The following UNC5B variants were observed in gnomAD, a reference collection of about 807,000 sequenced individuals.
The protein encoded by UNC5B is unc-5 netrin receptor B.
A neutral mutation model predicts 103.7 loss-of-function variants in UNC5B; 56 were observed. The observed-to-expected ratio is 0.54, with a 90% confidence interval of 0.44 to 0.67. The LOEUF is 0.67. Among genes scored for constraint, UNC5B ranks in the 30% least tolerant of loss-of-function variants. The pLI is 0.00. For missense variants in UNC5B, 1,194 were observed against 1,284.5 expected (o/e 0.93, Z 1.08); for synonymous variants, 577 against 542.0 (o/e 1.06, Z -0.90).
intron 1 of UNC5B, among the ~76,000 whole-genome samples, chr10:71,267,261 A>G (rs940286461): frequency 3.9e-5 from 6 of 152,226 alleles, no homozygotes; most frequent in African/African-American, 1.4e-4. Context: ...GTGGCTGCCC[A>G]GGGGTTGTCT....
chr10:71,224,228 G>GACGCACACACAC (rs1843510762), intron 1 of UNC5B, among the ~76,000 whole-genome samples: 1 of 150,088 alleles, frequency 6.7e-6, no homozygotes, highest in African/African-American at 2.5e-5. Context: ...TCTGTATGTA[G>GACGCACACACAC]ACACAGACAC....
intron 1 of UNC5B, among the ~76,000 whole-genome samples, chr10:71,275,843 A>C (rs1383610152): frequency 6.6e-6 from 1 of 151,876 alleles, no homozygotes; most frequent in African/African-American, 2.4e-5. Flanking sequence ...ACCAACAAGT[A>C]GCTCCAGGTA....
Position 71,279,971 on chromosome 10 carries a change from T to A in UNC5B, c.230T>A (p.Ile77Asn). ...LRCRAFPATQ[I>N]YFKCNGEWVS... is the part of the protein sequence containing the mutation. The stretch of plus-strand genomic sequence containing the variant: ...TGCCGCGCCTTCCCCGCCACACAGA[T>A]CTACTTCAAGTGCAACGGCGAGTGG... The change falls in exon 2 of 17, where the codon ATC (isoleucine) becomes AAC (asparagine). Residue 77 changes from isoleucine to asparagine, a missense_variant. Coordinates refer to ENST00000335350, the MANE Select transcript of UNC5B (RefSeq NM_170744.5). 1 of 1,614,068 alleles carries A rather than the reference T, an allele frequency of 6.2e-7. No individual in the cohort carries two copies. Among genetic ancestry groups the A allele is most frequent in the Non-Finnish European group, 8.5e-7 (1 of 1,180,020 alleles).
In UNC5B at chr10:71,288,596, G is replaced by A; in HGVS notation, c.930G>A (p.Lys310=). The change falls in exon 7 of 17, where the codon AAG becomes AAA. Residue 310 remains lysine (K), a synonymous_variant. Transcript: ENST00000335350. Reference sequence around the variant, plus strand: ...ATGGGGCGTGGACGGAGTGGAGCAAGTGGTCAGCCTGCAGCACTGAGTGTG... The same window carrying A: ...ATGGGGCGTGGACGGAGTGGAGCAAATGGTCAGCCTGCAGCACTGAGTGTG... ...PVDGAWTEWS[K]WSACSTECAH... 6.2e-7 allele frequency: 1 copy of A among 1,614,068 alleles called. No individual in the cohort carries two copies. Among genetic ancestry groups the A allele is most frequent in the South Asian group, 1.1e-5 (1 of 91,074 alleles).
intron 10 of UNC5B, among the ~76,000 whole-genome samples, chr10:71,292,117 GCA>G (rs1356528972): frequency 6.6e-6 from 1 of 152,216 alleles, no homozygotes; most frequent in Non-Finnish European, 1.5e-5. Flanking sequence ...GACCTACAAA[GCA>G]CTGTCCTGGA....
chr10:71,273,903 G>A (rs1219939075), intron 1 of UNC5B, among the ~76,000 whole-genome samples: 1 of 152,226 alleles, frequency 6.6e-6, no homozygotes. Flanking sequence ...AAATGGGTGG[G>A]TGACATGAGG....
chr10:71,265,429 G>T (rs1210494231), intron 1 of UNC5B, among the ~76,000 whole-genome samples: 1 of 152,160 alleles, frequency 6.6e-6, no homozygotes, highest in Non-Finnish European at 1.5e-5. Context: ...GCCCTGTCTA[G>T]CAGGGGCTCC....
intron 16 of UNC5B, among the ~76,000 whole-genome samples, chr10:71,298,515 C>T (rs996993597): frequency 6.6e-6 from 1 of 151,440 alleles, no homozygotes; most frequent in African/African-American, 2.4e-5. Flanking sequence ...TTTGGAGAAC[C>T]TCAAATGCTG....
intron 1 of UNC5B, among the ~76,000 whole-genome samples, chr10:71,225,876 C>A (rs1843552764): frequency 6.6e-6 from 1 of 152,130 alleles, no homozygotes; most frequent in African/African-American, 2.4e-5. Context: ...GCAGACACTA[C>A]CTGCTGGCAG....
At chr10:71,233,891 C>G (rs1256547170) in intron 1 of UNC5B, among the ~76,000 whole-genome samples, 1 of 152,264 alleles carries the variant, frequency 6.6e-6, no homozygotes, top group Non-Finnish European at 1.5e-5. Flanking sequence ...TCTAACTGCT[C>G]TTGGCTGAGG....
In UNC5B at chr10:71,287,891, C is replaced by T. The variant is rs1225570243; in HGVS notation, c.901+126C>T. The T allele has an allele frequency of 2.3e-6, 3 of 1,308,158 alleles. No individual in the cohort carries two copies. The South Asian group carries it at 4.6e-5, about 20-fold the overall frequency. 81.0% of individuals were successfully genotyped at this position (1,308,158 alleles called of 1,614,324 possible). On this transcript the variant is annotated intron_variant, in intron 6 of 16. Coordinates refer to ENST00000335350, the MANE Select transcript of UNC5B (RefSeq NM_170744.5). Reference sequence around the variant, plus strand: ...GCAGAAGGTGCTTGTCCCGAGCCCACAGCCGGCTGCCCAGGCTGACTAGAT... The same window carrying T: ...GCAGAAGGTGCTTGTCCCGAGCCCATAGCCGGCTGCCCAGGCTGACTAGAT...
rs373608708 is a variant in UNC5B, at chr10:71,291,084, C to A, written c.1269C>A (p.Pro423=). The change falls in exon 9 of 17, where the codon CCC becomes CCA. Residue 423 remains proline (P), a synonymous_variant. Coordinates refer to ENST00000335350, the MANE Select transcript of UNC5B (RefSeq NM_170744.5). ...SSAALTGGFH[P]VNFKTARPSN... ...CTGCCCTGACTGGTGGTTTCCACCC[C>A]GTCAACTTTAAGACGGCAAGGCCCA... 1 of 1,613,968 alleles carries A rather than the reference C, an allele frequency of 6.2e-7. No homozygotes were observed. Among genetic ancestry groups the A allele is most frequent in the South Asian group, 1.1e-5 (1 of 91,068 alleles).
At chr10:71,235,601 C>G (rs955277797) in intron 1 of UNC5B, among the ~76,000 whole-genome samples, 29 of 152,352 alleles carry the variant, frequency 1.9e-4, no homozygotes, top group African/African-American at 7.0e-4. Flanking sequence ...GACATTGGCC[C>G]TTCCCAGGCC....
chr10:71,254,048 G>T (rs1446174229), intron 1 of UNC5B, among the ~76,000 whole-genome samples: 1 of 152,210 alleles, frequency 6.6e-6, no homozygotes, highest in African/African-American at 2.4e-5. Flanking sequence ...ATGCCTAGTA[G>T]AGAGGACAAA....
At chr10:71,231,471 T>C (rs1353738379) in intron 1 of UNC5B, among the ~76,000 whole-genome samples, 1 of 152,190 alleles carries the variant, frequency 6.6e-6, no homozygotes, top group African/African-American at 2.4e-5. Context: ...CTTCTTGCCA[T>C]CTGGAATGGT....
chr10:71,221,563 G>T (rs570995076), intron 1 of UNC5B, among the ~76,000 whole-genome samples: 1 of 152,200 alleles, frequency 6.6e-6, no homozygotes, highest in Admixed American at 6.5e-5. Context: ...GCTGAGCTCC[G>T]CAGTCAGAAG....
chr10:71,294,068 A>G (rs946976), intron 13 of UNC5B, 135 bp downstream of exon 13: 772,881 of 787,384 alleles, frequency 0.98, 379,412 homozygotes, highest in East Asian at 1. Context: ...CCCGCTTGCG[A>G]CCCTCACACA....
Position 71,292,467 on chromosome 10 carries a change from G to A in UNC5B, c.1685G>A (p.Gly562Glu). The change falls in exon 11 of 17, where the codon GGG becomes GAG. Residue 562 changes from glycine to glutamate, a missense_variant and splice_region_variant. Coordinates refer to ENST00000335350, the MANE Select transcript of UNC5B (RefSeq NM_170744.5). The part of the protein sequence containing the change: ...LGGRLSIPGT[G>E]VSLLVPNGAI... ...CCTGCTGACTTCCCTCTCCCCCTAG[G>A]GGTCAGCTTGCTGGTGCCCAATGGA... The A allele has an allele frequency of 6.3e-6, 10 of 1,591,730 alleles. No homozygotes were observed. The highest frequency in any genetic ancestry group is 8.6e-6 in the Non-Finnish European group (10 of 1,168,464).
chr10:71,300,234 ATCT>A lies in UNC5B; in HGVS notation c.*959_*961del, dbSNP rs1399442616. ...TTAGCTGGTTAGATTTTCCTCTAAA[ATCT>A]TAAGCAGATGCTGAATCCATAAAGC... On this transcript the variant is annotated 3_prime_UTR_variant, in exon 17 of 17. Transcript: ENST00000335350. The A allele has an allele frequency of 6.6e-6, 1 of 152,198 alleles. No homozygotes were observed. Among genetic ancestry groups the A allele is most frequent in the Non-Finnish European group, 1.5e-5 (1 of 68,046 alleles). The allele number at this position is 152,198 out of a possible 1,614,324, so 9.4% of individuals were successfully genotyped here.
Sources: allele counts gnomAD v4.1 joint callset (sites outside exome capture counted in the v4.1 genomes callset), GRCh38; gene constraint gnomAD v4.1.1; transcripts MANE v1.5; gene names NCBI Gene and HGNC (gene_info 2026-07-23, HGNC 2026-07-21).